Variants in FNDC3B observed in about 807,000 individuals in gnomAD.
The protein encoded by FNDC3B is fibronectin type III domain containing 3B.
FNDC3B carries 12 observed loss-of-function variants against 151.5 expected under a neutral mutation model. That is an observed-to-expected ratio of 0.08 (90% CI 0.05 to 0.13). The LOEUF (loss-of-function observed/expected upper bound fraction) is 0.13. Among genes scored for constraint, FNDC3B ranks in the 10% least tolerant of loss-of-function variants. The pLI, the probability that FNDC3B is intolerant of heterozygous loss-of-function variation, is 1.00. For missense variants in FNDC3B, 1,214 were observed against 1,505.3 expected (o/e 0.81, Z 3.20); for synonymous variants, 528 against 549.0 (o/e 0.96, Z 0.54).
chr3:172,381,115 A>G (rs748901956), intron 25 of FNDC3B, 22 bp downstream of exon 25: 5 of 1,612,220 alleles, frequency 3.1e-6, no homozygotes, highest in Non-Finnish European at 4.2e-6. Flanking sequence ...TGTGCATGGC[A>G]CATGTGCAAC....
intron 3 of FNDC3B, among the ~76,000 whole-genome samples, chr3:172,214,450 G>A (rs1048159741): frequency 6.6e-6 from 1 of 152,142 alleles, no homozygotes; most frequent in Non-Finnish European, 1.5e-5. Flanking sequence ...GAGATTGCTG[G>A]TCCCTTCCAG....
chr3:172,201,495 A>G (rs928419281), intron 3 of FNDC3B, among the ~76,000 whole-genome samples: 1 of 152,180 alleles, frequency 6.6e-6, no homozygotes, highest in African/African-American at 2.4e-5. Flanking sequence ...TCTTTTGTTC[A>G]GTGTGACCTC....
chr3:172,220,705 C>T (rs1726237162), intron 3 of FNDC3B, among the ~76,000 whole-genome samples: 1 of 152,016 alleles, frequency 6.6e-6, no homozygotes, highest in Non-Finnish European at 1.5e-5. Flanking sequence ...AGATAGGGGT[C>T]CAAGTTCATT....
chr3:172,300,760 A>G (rs192742878), intron 9 of FNDC3B, among the ~76,000 whole-genome samples: 5 of 152,198 alleles, frequency 3.3e-5, no homozygotes, highest in African/African-American at 1.2e-4. Flanking sequence ...TCTGCTTTCC[A>G]GGAAGATAGG....
intron 3 of FNDC3B, among the ~76,000 whole-genome samples, chr3:172,168,150 C>G (rs566120311): frequency 6.6e-6 from 1 of 152,160 alleles, no homozygotes; most frequent in Non-Finnish European, 1.5e-5. Flanking sequence ...ACTTTTTACC[C>G]TCACTTTTCA....
In FNDC3B at chr3:172,219,869, CTCTT is replaced by C. The variant is rs924993482; in HGVS notation, c.188-6998_188-6995del. Among the ~76,000 whole-genome samples the C allele has an allele frequency of 4.6e-5, 7 of 152,184 alleles. No individual in the cohort carries two copies. In the East Asian group the frequency reaches 5.8e-4, roughly 13 times the overall value. On this transcript the variant is annotated intron_variant, in intron 3 of 25. Transcript: ENST00000415807. ...ATCCTTCTCCTGATGGACATTTCAGCTCTTTCTATCTTTTGAGTATTGTGAACAT... is the reference window on the plus strand; with the variant it reads ...ATCCTTCTCCTGATGGACATTTCAGCTCTATCTTTTGAGTATTGTGAACAT...
At chr3:172,084,179 T>C (rs1718428640) in intron 1 of FNDC3B, among the ~76,000 whole-genome samples, 1 of 152,130 alleles carries the variant, frequency 6.6e-6, no homozygotes. Context: ...CTGGGTGCCG[T>C]GGCTCACGTC....
chr3:172,338,757 C>T (rs1397944134), intron 16 of FNDC3B, among the ~76,000 whole-genome samples: 3 of 151,886 alleles, frequency 2.0e-5, no homozygotes, highest in Admixed American at 6.6e-5. Flanking sequence ...TTTTTTGAGA[C>T]GGAGTCTCGC....
At chr3:172,236,539 A>G (rs534619505) in intron 4 of FNDC3B, among the ~76,000 whole-genome samples, 6 of 152,318 alleles carry the variant, frequency 3.9e-5, no homozygotes, top group African/African-American at 1.4e-4. Context: ...TATTAAGTTA[A>G]TCAATTGCTG....
At chr3:172,139,233 A>T (rs1250699952) in intron 3 of FNDC3B, among the ~76,000 whole-genome samples, 1 of 152,176 alleles carries the variant, frequency 6.6e-6, no homozygotes, top group African/African-American at 2.4e-5. Context: ...TGGCACACTA[A>T]AACACTGACC....
intron 1 of FNDC3B, among the ~76,000 whole-genome samples, chr3:172,061,866 A>G (rs191940681): frequency 6.6e-6 from 1 of 152,314 alleles, no homozygotes; most frequent in East Asian, 1.9e-4. Context: ...AGTCGGGGCA[A>G]AGAACCAAAG....
At chr3:172,199,081 A>C (rs1371097824) in intron 3 of FNDC3B, among the ~76,000 whole-genome samples, 1 of 152,036 alleles carries the variant, frequency 6.6e-6, no homozygotes, top group African/African-American at 2.4e-5. Context: ...CTTCCTCCTC[A>C]GCCTCCCAAA....
chr3:172,273,491 G>A (rs1329888202), intron 6 of FNDC3B, among the ~76,000 whole-genome samples: 1 of 152,110 alleles, frequency 6.6e-6, no homozygotes, highest in African/African-American at 2.4e-5. Flanking sequence ...CATAATATAG[G>A]GGCCTTATAC....
chr3:172,116,843 T>A (rs1449977131), intron 2 of FNDC3B, among the ~76,000 whole-genome samples: 2 of 152,112 alleles, frequency 1.3e-5, no homozygotes, highest in African/African-American at 4.8e-5. Context: ...TGGGATTACA[T>A]GTGTGAGCCA....
rs572467276 is a variant in FNDC3B, at chr3:172,295,593, A to C, written c.1001+79A>C. On this transcript the variant is annotated intron_variant, in intron 8 of 25. Coordinates refer to ENST00000415807, the MANE Select transcript of FNDC3B (RefSeq NM_022763.4). ...GTGAAGGAAAATGGAAAACAAAGGA[A>C]AACCTTATAGGCTTGGCAAATTTTC... 2.6e-5 allele frequency: 38 copies of C among 1,439,620 alleles called. No homozygotes were observed. The African/African-American group carries it at 5.0e-4, about 19-fold the overall frequency. The allele number at this position is 1,439,620 out of a possible 1,614,324, so 89.2% of individuals were successfully genotyped here. A position where few individuals can be genotyped will look rare whatever the true frequency, so the allele number is the denominator to read the frequency against.
At chr3:172,329,846 G>T (rs868633983) in intron 12 of FNDC3B, 1 of 152,076 alleles carries the variant, frequency 6.6e-6, no homozygotes, top group Non-Finnish European at 1.5e-5. Flanking sequence ...AAAAAATACC[G>T]ACACAAAGCC....
intron 7 of FNDC3B, among the ~76,000 whole-genome samples, chr3:172,289,420 G>GATAAT (rs1367268941): frequency 1.2e-5 from 1 of 86,276 alleles, no homozygotes. Flanking sequence ...TGCCATATAA[G>GATAAT]GTATTCATAG....
chr3:172,266,638 C>G (rs1014631627), intron 6 of FNDC3B, among the ~76,000 whole-genome samples: 1 of 152,222 alleles, frequency 6.6e-6, no homozygotes, highest in African/African-American at 2.4e-5. Context: ...CCTCTTCCAG[C>G]CTCAGGTGGA....
rs1236171143 is a variant in FNDC3B at position 172,316,304 on chromosome 3, T to G, written c.1254+5423T>G. The G allele has an allele frequency of 3.3e-5, 14 of 422,288 alleles. 1 individual carries two copies. The Middle Eastern group carries it at 1.8e-3, about 53-fold the overall frequency. The allele number at this position is 422,288 out of a possible 1,614,324, so 26.2% of individuals were successfully genotyped here. Reference sequence around the variant, plus strand: ...TGTGAGCCACCATGCCCAGCCCTGCTTCTTTTCTTGATGACATATCACTAT... The same window carrying G: ...TGTGAGCCACCATGCCCAGCCCTGCGTCTTTTCTTGATGACATATCACTAT... On this transcript the variant is annotated intron_variant, in intron 11 of 25. Transcript: ENST00000415807.
Sources: gnomAD v4.1 joint callset for allele counts (sites outside exome capture counted in the v4.1 genomes callset) on GRCh38, gnomAD v4.1.1 for gene constraint, MANE v1.5 for transcripts, NCBI Gene and HGNC (gene_info 2026-07-23, HGNC 2026-07-21) for gene names.